The following CNTNAP4 variants were observed in gnomAD, a reference collection of about 807,000 sequenced individuals.
CNTNAP4 encodes the protein contactin-associated protein-like 4.
In CNTNAP4, 98 loss-of-function variants were observed where a neutral mutation model predicts 148.4. The observed-to-expected ratio is 0.66, with a 90% CI of 0.56 to 0.78. The LOEUF (loss-of-function observed/expected upper bound fraction) is 0.78. Among genes scored for constraint, CNTNAP4 ranks in the 30% least tolerant of loss-of-function variants. The pLI is 0.00. For synonymous variants in CNTNAP4, 730 were observed against 565.1 expected (o/e 1.29, Z -4.14); for missense variants, 1,935 against 1,565.6 (o/e 1.24, Z -3.98).
rs78498442 is a variant in CNTNAP4, at chr16:76,353,827, A to C, written c.197-1491A>C. Among the ~76,000 whole-genome samples, 3 of 152,254 alleles carry C rather than the reference A, an allele frequency of 2.0e-5. No homozygotes were observed. In the East Asian group the frequency reaches 5.8e-4, roughly 29 times the overall value. On this transcript the variant is annotated intron_variant, in intron 2 of 23. Coordinates refer to ENST00000611870, the MANE Select transcript of CNTNAP4 (RefSeq NM_033401.5). ...ATCATTATGCTGTGTTCCACCATCA[A>C]AATAATCTTGAAGTCTTATAAAGTA...
chr16:76,401,514 C>G (rs1003598769), intron 3 of CNTNAP4, among the ~76,000 whole-genome samples: 8 of 152,116 alleles, frequency 5.3e-5, no homozygotes, highest in South Asian at 2.1e-4. Context: ...GACTTCCTCT[C>G]TTCCTATTTG....
At chr16:76,279,410 T>A (rs567005081) in intron 1 of CNTNAP4, among the ~76,000 whole-genome samples, 3 of 152,226 alleles carry the variant, frequency 2.0e-5, no homozygotes, top group Admixed American at 2.0e-4. Flanking sequence ...GTGTAGGGTG[T>A]ACATCAACAT....
chr16:76,323,240 T>C (rs527406566), intron 2 of CNTNAP4, among the ~76,000 whole-genome samples: 2 of 152,294 alleles, frequency 1.3e-5, no homozygotes, highest in East Asian at 3.9e-4. Context: ...CAGTCTGATA[T>C]ATCCTTAGTC....
At chr16:76,380,759 A>G (rs1292509380) in intron 3 of CNTNAP4, among the ~76,000 whole-genome samples, 1 of 152,170 alleles carries the variant, frequency 6.6e-6, no homozygotes, top group Non-Finnish European at 1.5e-5. Context: ...AACCATCCAT[A>G]AATATTTAAA....
chr16:76,501,722 A>G (rs2082652472), intron 15 of CNTNAP4, among the ~76,000 whole-genome samples: 1 of 152,100 alleles, frequency 6.6e-6, no homozygotes. Flanking sequence ...CTGAGAAACT[A>G]GAGCTTTGAA....
chr16:76,321,915 C>G (rs943451155), intron 2 of CNTNAP4, among the ~76,000 whole-genome samples: 1 of 151,394 alleles, frequency 6.6e-6, no homozygotes, highest in Non-Finnish European at 1.5e-5. Context: ...ATTGAAAAAT[C>G]TCAAGCCTAG....
intron 3 of CNTNAP4, among the ~76,000 whole-genome samples, chr16:76,423,284 C>T (rs1169900899): frequency 1.3e-5 from 2 of 152,018 alleles, no homozygotes; most frequent in Non-Finnish European, 2.9e-5. Flanking sequence ...AGGATTTATA[C>T]ACAAACCAGA....
At position 76,503,220 on chromosome 16, in the gene CNTNAP4, C is replaced by G. The variant is rs73618164; in HGVS notation, c.2365+4526C>G. On this transcript the variant is annotated intron_variant, in intron 15 of 23. Coordinates refer to ENST00000611870, the MANE Select transcript of CNTNAP4 (RefSeq NM_033401.5). Reference sequence around the variant, plus strand: ...CAGGATAAAGGCAAGAATGTCTGCTCTCACTACTCCTATTCAATCTATTAC... The same window carrying G: ...CAGGATAAAGGCAAGAATGTCTGCTGTCACTACTCCTATTCAATCTATTAC... Among the ~76,000 whole-genome samples the G allele has an allele frequency of 5.9e-3, 896 of 152,238 alleles. 12 individuals carry two copies. Among genetic ancestry groups the G allele is most frequent in the African/African-American group, 0.021 (868 of 41,552 alleles).
chr16:76,403,835 G>A (rs2078505274), intron 3 of CNTNAP4, among the ~76,000 whole-genome samples: 1 of 152,102 alleles, frequency 6.6e-6, no homozygotes, highest in Non-Finnish European at 1.5e-5. Context: ...AGAAAATATG[G>A]TACATATACA....
chr16:76,416,399 G>A (rs946181148), intron 3 of CNTNAP4, among the ~76,000 whole-genome samples: 5 of 151,046 alleles, frequency 3.3e-5, no homozygotes, highest in African/African-American at 1.2e-4. Context: ...TGCATTTAAT[G>A]CTACAAATTT....
At chr16:76,309,848 C>T (rs1960900994) in intron 1 of CNTNAP4, 1 of 700,910 alleles carries the variant, frequency 1.4e-6, no homozygotes, top group Admixed American at 2.0e-5. Context: ...GCTTTTGCTG[C>T]TTCCTCATTT....
Position 76,335,770 on chromosome 16 carries a change from T to C in CNTNAP4, c.196+19247T>C, listed in dbSNP as rs188540774. Among the ~76,000 whole-genome samples, 3 of 152,242 alleles carry C rather than the reference T, an allele frequency of 2.0e-5. No homozygotes were observed. The East Asian group carries it at 5.8e-4, about 29-fold the overall frequency. On this transcript the variant is annotated intron_variant, in intron 2 of 23. Coordinates refer to ENST00000611870, the MANE Select transcript of CNTNAP4 (RefSeq NM_033401.5). ...AACCCCTTATCAGCCCCAGAGGGCATGTGAGGAGAACTAAAAGCTGCTGGG... is the reference window on the plus strand; with the variant it reads ...AACCCCTTATCAGCCCCAGAGGGCACGTGAGGAGAACTAAAAGCTGCTGGG...
intron 19 of CNTNAP4, among the ~76,000 whole-genome samples, chr16:76,538,552 G>C (rs1298157895): frequency 6.6e-6 from 1 of 151,788 alleles, no homozygotes; most frequent in African/African-American, 2.4e-5. Context: ...TTATGATTTT[G>C]ATAATTTTAC....
At chr16:76,456,018 A>G (rs1274747067) in intron 8 of CNTNAP4, among the ~76,000 whole-genome samples, 3 of 152,198 alleles carry the variant, frequency 2.0e-5, no homozygotes. Context: ...ACAGAAAGGG[A>G]AAGAGAGAGA....
intron 4 of CNTNAP4, among the ~76,000 whole-genome samples, chr16:76,446,977 C>T (rs537581385): frequency 6.6e-6 from 1 of 152,226 alleles, no homozygotes; most frequent in East Asian, 1.9e-4. Flanking sequence ...TTAATTATAA[C>T]TTTGTTGAAT....
chr16:76,498,599 A>G lies in CNTNAP4; in HGVS notation c.2270A>G (p.Glu757Gly). 6.2e-7 allele frequency: 1 copy of G among 1,612,576 alleles called. No individual in the cohort carries two copies. The highest frequency in any genetic ancestry group is 1.3e-5 in the African/African-American group (1 of 74,994). The change falls in exon 15 of 24, where the codon GAA becomes GGA. Residue 757 changes from glutamate to glycine, a missense_variant. Coordinates refer to ENST00000611870, the MANE Select transcript of CNTNAP4 (RefSeq NM_033401.5). The stretch of plus-strand genomic sequence containing the variant: ...GACACTGGATTGCTTGCTTATAAAG[A>G]ACATCTTCCAGTAACTAAGATCGTG... ...TNDTGLLAYK[E>G]HLPVTKIVIT... is the part of the protein sequence containing the mutation.
At chr16:76,425,950 G>T (rs2079380738) in intron 3 of CNTNAP4, among the ~76,000 whole-genome samples, 1 of 152,124 alleles carries the variant, frequency 6.6e-6, no homozygotes, top group Admixed American at 6.6e-5. Context: ...TGATGGCAAA[G>T]AACAAAATAA....
At chr16:76,279,946 T>G (rs1009554571) in intron 1 of CNTNAP4, among the ~76,000 whole-genome samples, 1 of 152,098 alleles carries the variant, frequency 6.6e-6, no homozygotes, top group African/African-American at 2.4e-5. Context: ...GAAGGACAAG[T>G]GTATATATAT....
chr16:76,512,369 T>C (rs2144013267), intron 15 of CNTNAP4, among the ~76,000 whole-genome samples: 2 of 152,244 alleles, frequency 1.3e-5, no homozygotes, highest in Middle Eastern at 6.8e-3. Context: ...GAAATTATGG[T>C]AGCTTGAGCC....
Sources: gnomAD v4.1 joint callset for allele counts (sites outside exome capture counted in the v4.1 genomes callset) on GRCh38, gnomAD v4.1.1 for gene constraint, MANE v1.5 for transcripts, NCBI Gene and HGNC (gene_info 2026-07-23, HGNC 2026-07-21) for gene names.